FOLH1: variants seen among roughly 807,000 people sequenced by gnomAD.
FOLH1 encodes folate hydrolase 1, also known as glutamate carboxypeptidase 2.
Under a neutral mutation model 93.9 loss-of-function variants are expected in FOLH1, and 54 were observed. The observed-to-expected ratio is 0.57, with a 90% CI of 0.46 to 0.72. The LOEUF (loss-of-function observed/expected upper bound fraction) is 0.72. Among genes scored for constraint, FOLH1 ranks in the 30% least tolerant of loss-of-function variants. FOLH1 has a pLI of 0.00. For synonymous variants in FOLH1, 249 were observed against 303.6 expected, an observed-to-expected ratio of 0.82 and a Z score of 1.87; for missense variants, 571 against 892.5, an observed-to-expected ratio of 0.64 and a Z score of 4.59.
At chr11:49,207,083 C>T (rs1420211612) in intron 1 of FOLH1, among the ~76,000 whole-genome samples, 2 of 152,222 alleles carry the variant, frequency 1.3e-5, no homozygotes, top group African/African-American at 4.8e-5. Flanking sequence ...AATAAGATTC[C>T]ACCTGTGCAT....
At chr11:49,169,139 T>G (rs1858865952) in intron 12 of FOLH1, 56 bp downstream of exon 12, 13 of 1,583,836 alleles carry the variant, frequency 8.2e-6, no homozygotes, top group Non-Finnish European at 1.1e-5. Context: ...ATTTATTAAC[T>G]AGACTGCTGC....
At chr11:49,201,100 A>T (rs975961773) in intron 2 of FOLH1, among the ~76,000 whole-genome samples, 3 of 151,906 alleles carry the variant, frequency 2.0e-5, no homozygotes, top group Non-Finnish European at 4.4e-5. Flanking sequence ...TCAGGAGTAG[A>T]CTAATTTCTC....
At chr11:49,167,099 AG>A (rs1382386572) in intron 12 of FOLH1, among the ~76,000 whole-genome samples, 10 of 152,200 alleles carry the variant, frequency 6.6e-5, no homozygotes, top group African/African-American at 2.4e-4. Flanking sequence ...CTATGTTTCA[AG>A]AAAATATATT....
intron 6 of FOLH1, among the ~76,000 whole-genome samples, chr11:49,184,051 T>G (rs560333371): frequency 1.3e-5 from 2 of 152,336 alleles, no homozygotes; most frequent in South Asian, 4.1e-4. Context: ...TTCTTCAGAC[T>G]TAAGAAAAAT....
intron 4 of FOLH1, among the ~76,000 whole-genome samples, chr11:49,191,256 C>A (rs1240819599): frequency 3.3e-5 from 5 of 152,178 alleles, no homozygotes; most frequent in Non-Finnish European, 5.9e-5. Context: ...TCTTGATCCG[C>A]CCCCCTCGGC....
rs144846599 is a variant in FOLH1 at position 49,170,750 on chromosome 11, A to G, written c.1308+445T>C. Reference sequence around the variant, plus strand: ...ATTTTTCATAAATTTGAAATAGCTTAATTCCCTTTGAATCAGACAAGATTC... The same window carrying G: ...ATTTTTCATAAATTTGAAATAGCTTGATTCCCTTTGAATCAGACAAGATTC... On this transcript the variant is annotated intron_variant, in intron 11 of 18. Transcript: ENST00000256999. Among the ~76,000 whole-genome samples, 898 of 152,332 alleles carry G rather than the reference A, an allele frequency of 5.9e-3. 12 individuals are homozygous for G. Among genetic ancestry groups the G allele is most frequent in the African/African-American group, 0.021 (859 of 41,582 alleles).
chr11:49,204,417 GC>G (rs1863630466), intron 2 of FOLH1, among the ~76,000 whole-genome samples: 2 of 152,220 alleles, frequency 1.3e-5, no homozygotes, highest in Non-Finnish European at 2.9e-5. Flanking sequence ...TGGATAGGCT[GC>G]TGATAACTTG....
intron 7 of FOLH1, among the ~76,000 whole-genome samples, chr11:49,180,056 G>C (rs1268120384): frequency 6.6e-6 from 1 of 152,184 alleles, no homozygotes; most frequent in East Asian, 1.9e-4. Context: ...GCTACTAAAT[G>C]CTTGCGTCAT....
intron 7 of FOLH1, among the ~76,000 whole-genome samples, chr11:49,181,951 TAAAG>T (rs1329115224): frequency 4.6e-5 from 7 of 152,092 alleles, no homozygotes; most frequent in African/African-American, 1.7e-4. Context: ...GGCTTGAACT[TAAAG>T]AAGAAAAGGG....
At chr11:49,179,589 T>G (rs1860490489) in intron 7 of FOLH1, among the ~76,000 whole-genome samples, 2 of 152,170 alleles carry the variant, frequency 1.3e-5, no homozygotes, top group Admixed American at 6.5e-5. Context: ...CCAATATTTA[T>G]GAGATGCAGC....
chr11:49,179,081 A>G (rs1860426172), intron 7 of FOLH1, among the ~76,000 whole-genome samples: 1 of 152,240 alleles, frequency 6.6e-6, no homozygotes, highest in Non-Finnish European at 1.5e-5. Context: ...AGCTTGAATC[A>G]GCTTGTGAGA....
intron 4 of FOLH1, among the ~76,000 whole-genome samples, chr11:49,191,035 G>A (rs1232720801): frequency 6.6e-6 from 1 of 152,188 alleles, no homozygotes; most frequent in Non-Finnish European, 1.5e-5. Context: ...CAGGTTGGCC[G>A]GGTGCGGAGG....
chr11:49,195,918 G>A (rs571417588), intron 3 of FOLH1, among the ~76,000 whole-genome samples: 234 of 152,312 alleles, frequency 1.5e-3, no homozygotes, highest in African/African-American at 4.7e-3. Flanking sequence ...CACTTTGGCA[G>A]GCCGAGGCGG....
rs544200254 is a variant in FOLH1, at chr11:49,169,507, T to C, written c.1309-249A>G. Among the ~76,000 whole-genome samples the C allele has an allele frequency of 1.5e-3, 229 of 152,298 alleles. 1 individual carries two copies. Among genetic ancestry groups the C allele is most frequent in the Non-Finnish European group, 2.8e-3 (191 of 68,010 alleles). ...GATGAAATTGTCCATATACTTATGG[T>C]AAGTGGAAAATGAGTTAATTTCTTA... On this transcript the variant is annotated intron_variant, in intron 11 of 18. Coordinates refer to ENST00000256999, the MANE Select transcript of FOLH1 (RefSeq NM_004476.3).
intron 3 of FOLH1, among the ~76,000 whole-genome samples, chr11:49,195,643 T>C (rs1862536937): frequency 6.6e-6 from 1 of 151,880 alleles, no homozygotes; most frequent in African/African-American, 2.4e-5. Flanking sequence ...GATACACTAG[T>C]AAATTTGACA....
Position 49,167,107 on chromosome 11 carries a change from T to C in FOLH1, c.1372+2088A>G, listed in dbSNP as rs183078438. On this transcript the variant is annotated intron_variant, in intron 12 of 18. Transcript: ENST00000256999. The stretch of plus-strand genomic sequence containing the variant: ...CGTTATTCTATGTTTCAAGAAAATA[T>C]ATTTGGAGTATTTATTCTGGGTGGG... Among the ~76,000 whole-genome samples, 4 of 152,146 alleles carry C rather than the reference T, an allele frequency of 2.6e-5. 1 individual carries two copies. The highest frequency in any genetic ancestry group is 2.0e-4 in the Admixed American group (3 of 15,292).
rs772177112 is a variant in FOLH1 at position 49,208,389 on chromosome 11, T to C, written c.21A>G (p.Glu7=). The change falls in exon 1 of 19, where the codon GAA becomes GAG. Residue 7 remains glutamate, a synonymous_variant. Transcript: ENST00000256999. ...GCGCGGTGGCCACAGCCGAGTCGGTTTCGTGAAGGAGATTCCACATCTCGG... is the reference window on the plus strand; with the variant it reads ...GCGCGGTGGCCACAGCCGAGTCGGTCTCGTGAAGGAGATTCCACATCTCGG... MWNLLH[E]TDSAVATARR... is the part of the protein sequence containing the mutation. 4.6e-5 allele frequency: 73 copies of C among 1,602,938 alleles called. No homozygotes were observed. Among genetic ancestry groups the C allele is most frequent in the Non-Finnish European group, 6.1e-5 (72 of 1,173,690 alleles).
intron 2 of FOLH1, among the ~76,000 whole-genome samples, chr11:49,201,613 CT>C (rs1310439357): frequency 6.6e-6 from 1 of 152,086 alleles, no homozygotes; most frequent in Non-Finnish European, 1.5e-5. Flanking sequence ...CACAGAATTT[CT>C]AATATGGAAA....
intron 9 of FOLH1, 74 bp downstream of exon 9, chr11:49,174,818 A>C: frequency 8.1e-7 from 1 of 1,228,504 alleles, no homozygotes; most frequent in Non-Finnish European, 1.2e-6. Flanking sequence ...TTCACTTTGC[A>C]CTCCCAGAGC....
Sources: allele counts gnomAD v4.1 joint callset (sites outside exome capture counted in the v4.1 genomes callset), GRCh38; gene constraint gnomAD v4.1.1; transcripts MANE v1.5; gene names NCBI Gene and HGNC (gene_info 2026-07-23, HGNC 2026-07-21).